The following ABCB6 variants were observed in gnomAD, a reference collection of about 807,000 sequenced individuals.
ABCB6 encodes ATP-binding cassette sub-family B member 6.
ABCB6 carries 87 observed loss-of-function variants against 99.4 expected under a neutral mutation model. The observed-to-expected ratio is 0.88, with a 90% CI of 0.74 to 1.05. ABCB6 has a LOEUF of 1.05. Among genes scored for constraint, ABCB6 ranks in the 50% least tolerant of loss-of-function variants. ABCB6 has a pLI of 0.00. For missense variants in ABCB6, 1,050 were observed against 1,097.9 expected (o/e 0.96, Z 0.62); for synonymous variants, 482 against 447.5 (o/e 1.08, Z -0.97).
At position 219,218,838 on chromosome 2, in the gene ABCB6, G is replaced by A; in HGVS notation, c.-165C>T. 1 of 715,008 alleles carries A rather than the reference G, an allele frequency of 1.4e-6. No individual in the cohort carries two copies. The highest frequency in any genetic ancestry group is 2.2e-6 in the Non-Finnish European group (1 of 463,208). The allele number at this position is 715,008 out of a possible 1,614,324, so 44.3% of individuals were successfully genotyped here. On this transcript the variant is annotated 5_prime_UTR_variant, in exon 1 of 19. Transcript: ENST00000265316. ...GGACGCACGTGGACCAGGCCTCACC[G>A]CCCACTCCCCTAGCGCACGCGCCGC... is the stretch of plus-strand genomic sequence containing the variant.
rs1456564537 is a variant in ABCB6, at chr2:219,210,761, C to T, written c.2206G>A (p.Ala736Thr). The T allele has an allele frequency of 4.3e-6, 7 of 1,613,716 alleles. No homozygotes were observed. Among genetic ancestry groups the T allele is most frequent in the South Asian group, 3.3e-5 (3 of 91,080 alleles). Residue 736 changes from alanine to threonine, a missense_variant, in exon 16 of 19, where the codon GCC becomes ACC. Ala to Thr is a moderately conservative substitution (Grantham distance 58). Transcript: ENST00000265316. Reference sequence around the variant, plus strand: ...GCCTTGAGGATGGTGCGGGCAATGGCGACGCGCTGCTTCTCCCCGCCGCTC... The same window carrying T: ...GCCTTGAGGATGGTGCGGGCAATGGTGACGCGCTGCTTCTCCCCGCCGCTC... ...KLSGGEKQRV[A>T]IARTILKAPG... is the part of the protein sequence containing the mutation.
chr2:219,216,674 C>T lies in ABCB6; in HGVS notation c.846G>A (p.Val282=). The T allele has an allele frequency of 1.3e-6, 2 of 1,566,684 alleles. No individual in the cohort carries two copies. The highest frequency in any genetic ancestry group is 1.7e-6 in the Non-Finnish European group (2 of 1,155,656). Residue 282 remains valine, a synonymous_variant, in exon 3 of 19, where the codon GTG becomes GTA. Coordinates refer to ENST00000265316, the MANE Select transcript of ABCB6 (RefSeq NM_005689.4). The surrounding 1 kb of genome is among the most constrained non-coding windows in gnomAD (Gnocchi z 4.2). ...CACCAATGTTCCTATAGAATATAGG[C>T]ACCAACACATTGAGTGCCCGTTCCA... is the stretch of plus-strand genomic sequence containing the variant. ...MGLERALNVL[V]PIFYRNIVNL...
In ABCB6 at chr2:219,218,583, G is replaced by A; in HGVS notation, c.91C>T (p.Leu31Phe). The A allele has an allele frequency of 6.2e-7, 1 of 1,612,670 alleles. No homozygotes were observed. The highest frequency in any genetic ancestry group is 1.1e-5 in the South Asian group (1 of 91,060). ...AGAGCCATCCGCGTCGAGGGCACGA[G>A]CGTGAAGAAGAAGCAGGGACTCAGG... The part of the protein sequence containing the change: ...DGLSPCFFFT[L>F]VPSTRMALGT... Residue 31 changes from leucine (L) to phenylalanine (F), a missense_variant, in exon 1 of 19, where the codon CTC becomes TTC. Leu to Phe is a conservative substitution (Grantham distance 22). Coordinates refer to ENST00000265316, the MANE Select transcript of ABCB6 (RefSeq NM_005689.4).
intron 14 of ABCB6, among the ~76,000 whole-genome samples, chr2:219,211,357 G>A (rs1368545426): frequency 1.3e-5 from 2 of 152,222 alleles, no homozygotes; most frequent in African/African-American, 4.8e-5. Flanking sequence ...AGGCTGGACT[G>A]CAGTGGCAAA....
chr2:219,216,805 A>G lies in ABCB6; in HGVS notation c.715T>C (p.Trp239Arg). The G allele has an allele frequency of 1.2e-6, 2 of 1,613,026 alleles. No homozygotes were observed. Among genetic ancestry groups the G allele is most frequent in the East Asian group, 2.2e-5 (1 of 44,868 alleles). The change falls in exon 3 of 19, where the codon TGG becomes CGG. Residue 239 changes from tryptophan (W) to arginine (R), a missense_variant. By Grantham distance (101) the Trp-to-Arg change is moderately radical. Transcript: ENST00000265316. This position sits in a 1 kb window ranked among gnomAD's most constrained non-coding sequence, Gnocchi z 4.2. ...CGGAGCTTCCTGCCAAAATCTCGCC[A>G]GGTAGACTGTTGGGCTGCTGACCGA... The part of the protein sequence containing the change: ...QVRSAAQQST[W>R]RDFGRKLRLL...
In ABCB6 at chr2:219,213,316, A is replaced by G; in HGVS notation, c.1730T>C (p.Leu577Pro). 2 of 1,614,080 alleles carry G rather than the reference A, an allele frequency of 1.2e-6. No homozygotes were observed. The highest frequency in any genetic ancestry group is 2.2e-5 in the East Asian group (1 of 44,870). The part of the protein sequence containing the change: ...LLKEETEVKD[L>P]PGAGPLRFQK... ...AAAGCGAAGGGGCCCTGCTCCAGGAAGGTCCTTCACCTGGAAGGGCACCAC... is the reference window on the plus strand; with the variant it reads ...AAAGCGAAGGGGCCCTGCTCCAGGAGGGTCCTTCACCTGGAAGGGCACCAC... The change falls in exon 12 of 19, where the codon CTT becomes CCT. Residue 577 changes from leucine to proline, a missense_variant. Leu to Pro is a moderately conservative substitution (Grantham distance 98, BLOSUM62 -3). Coordinates refer to ENST00000265316, the MANE Select transcript of ABCB6 (RefSeq NM_005689.4).
rs772684700 is a variant in ABCB6, at chr2:219,216,421, T to C, written c.913A>G (p.Thr305Ala). The stretch of plus-strand genomic sequence containing the variant: ...TTGAGGAAGACGTAACTGGTAACAG[T>C]CCAGGCCAGAGAGTTCCAAGGTGCC... ...EKAPWNSLAW[T>A]VTSYVFLKFL... is the part of the protein sequence containing the mutation. The change falls in exon 4 of 19, where the codon ACT becomes GCT. Residue 305 changes from threonine to alanine, a missense_variant. By Grantham distance (58) the Thr-to-Ala change is moderately conservative. Coordinates refer to ENST00000265316, the MANE Select transcript of ABCB6 (RefSeq NM_005689.4). The surrounding 1 kb of genome is among the most constrained non-coding windows in gnomAD (Gnocchi z 4.2). 6.2e-7 allele frequency: 1 copy of C among 1,614,024 alleles called. No homozygotes were observed. The highest frequency in any genetic ancestry group is 8.5e-7 in the Non-Finnish European group (1 of 1,179,980).
Position 219,212,395 on chromosome 2 carries a change from T to A in ABCB6, c.1960A>T (p.Ile654Phe), listed in dbSNP as rs752520577. 6.2e-7 allele frequency: 1 copy of A among 1,614,124 alleles called. No homozygotes were observed. The highest frequency in any genetic ancestry group is 2.2e-5 in the East Asian group (1 of 44,876). The change falls in exon 14 of 19, where the codon ATT (isoleucine) becomes TTT (phenylalanine). Residue 654 changes from isoleucine (I) to phenylalanine (F), a missense_variant. Physicochemically the swap from Ile to Phe is conservative, Grantham distance 21. Transcript: ENST00000265316. ...CTCCAGAGCAACCCTACCTGTGAAA[T>A]GTCCTGCCCATCTATTCGGATGCAG... ...SGCIRIDGQD[I>F]SQVTQASLRS...
In ABCB6 at chr2:219,216,075, C is replaced by T. The variant is rs773204210; in HGVS notation, c.1076G>A (p.Arg359His). ...CCCTGTGCGGCGCCCCAGGTGCCAG[C>T]GCAGTGAGAGCTCGTGCAGGTGGGA... ...IFSHLHELSL[R>H]WHLGRRTGEV... The change falls in exon 5 of 19, where the codon CGC becomes CAC. Residue 359 changes from arginine (R) to histidine (H), a missense_variant. Arg to His is a conservative substitution (Grantham distance 29). Transcript: ENST00000265316. The surrounding 1 kb of genome is among the most constrained non-coding windows in gnomAD (Gnocchi z 4.2). 11 of 1,600,788 alleles carry T rather than the reference C, an allele frequency of 6.9e-6. No homozygotes were observed. Among genetic ancestry groups the T allele is most frequent in the African/African-American group, 4.0e-5 (3 of 74,626 alleles).
At position 219,214,199 on chromosome 2, in the gene ABCB6, A is replaced by G. The variant is rs1335391587; in HGVS notation, c.1387-13T>C. 1.2e-6 allele frequency: 2 copies of G among 1,614,046 alleles called. No individual in the cohort carries two copies. Among genetic ancestry groups the G allele is most frequent in the Non-Finnish European group, 8.5e-7 (1 of 1,179,918 alleles). On this transcript the variant is annotated splice_polypyrimidine_tract_variant and intron_variant, in intron 7 of 18. Coordinates refer to ENST00000265316, the MANE Select transcript of ABCB6 (RefSeq NM_005689.4). Reference sequence around the variant, plus strand: ...TGTAATACTTCACCTGATGAATTCAAACCAAATTTATTTGGCATGGGCACA... The same window carrying G: ...TGTAATACTTCACCTGATGAATTCAGACCAAATTTATTTGGCATGGGCACA...
intron 12 of ABCB6, 44 bp from the exon 13 acceptor site, chr2:219,213,109 C>T (rs1950598330): frequency 6.2e-7 from 1 of 1,610,616 alleles, no homozygotes; most frequent in African/African-American, 1.3e-5. Context: ...CTTCCATCAC[C>T]AGAGCTGCTA....
chr2:219,212,543 G>T, intron 13 of ABCB6, 52 bp from the exon 14 acceptor site: 2 of 1,405,440 alleles, frequency 1.4e-6, no homozygotes, highest in South Asian at 1.2e-5. Flanking sequence ...TTTTTTTTGA[G>T]ACCGAATCTC....
At position 219,214,138 on chromosome 2, in the gene ABCB6, C is replaced by T. The variant is rs780162701; in HGVS notation, c.1435G>A (p.Ala479Thr). 24 of 1,614,150 alleles carry T rather than the reference C, an allele frequency of 1.5e-5. No homozygotes were observed. The highest frequency in any genetic ancestry group is 1.9e-5 in the Non-Finnish European group (23 of 1,180,034). The change falls in exon 8 of 19, where the codon GCC (alanine) becomes ACC (threonine). Residue 479 changes from alanine to threonine, a missense_variant. By Grantham distance (58) the Ala-to-Thr change is moderately conservative. Transcript: ENST00000265316. The part of the protein sequence containing the change: ...ESYEVERYRE[A>T]IIKYQGLEWK... ...ATCCTCACCTGATATTTGATGATGG[C>T]CTCTCGATAGCGTTCCACTTCGTAA...
chr2:219,217,608 C>CACCAG, intron 2 of ABCB6, 62 bp downstream of exon 2: 2 of 1,419,616 alleles, frequency 1.4e-6, no homozygotes, highest in Non-Finnish European at 1.9e-6. Flanking sequence ...CACGCCACTG[C>CACCAG]ACTCCAGCCT....
At chr2:219,215,182 G>A in intron 5 of ABCB6, 100 bp from the exon 6 acceptor site, 2 of 1,475,422 alleles carry the variant, frequency 1.4e-6, no homozygotes, top group South Asian at 1.3e-5. Flanking sequence ...TCAAGCAACA[G>A]ACTGGAACCA....
At chr2:219,215,336 C>A in intron 5 of ABCB6, 1 of 433,680 alleles carries the variant, frequency 2.3e-6, no homozygotes. Flanking sequence ...TGTTAATAAG[C>A]AACTCTGAGA....
chr2:219,218,497 A>G lies in ABCB6; in HGVS notation c.177T>C (p.Ala59=), dbSNP rs759943269. 29 of 1,609,038 alleles carry G rather than the reference A, an allele frequency of 1.8e-5. No individual in the cohort carries two copies. The highest frequency in any genetic ancestry group is 2.2e-5 in the Non-Finnish European group (26 of 1,178,304). ...PCRRRERPAG[A]DSLSWGAGPR... is the part of the protein sequence containing the mutation. ...GGCCGGCCCCCCAAGACAGCGAATCAGCACCAGCGGGCCGCTCCCGGCGTC... is the reference window on the plus strand; with the variant it reads ...GGCCGGCCCCCCAAGACAGCGAATCGGCACCAGCGGGCCGCTCCCGGCGTC... The change falls in exon 1 of 19, where the codon GCT becomes GCC. Residue 59 remains alanine (A), a synonymous_variant. Transcript: ENST00000265316.
At chr2:219,215,763 T>A in intron 5 of ABCB6, 1 of 423,508 alleles carries the variant, frequency 2.4e-6, no homozygotes, top group East Asian at 3.8e-5. Context: ...GAACCCAACA[T>A]ACTAAACAGA....
rs771624686 is a variant in ABCB6, at chr2:219,218,559, G to C, written c.115C>G (p.Leu39Val). 6.2e-7 allele frequency: 1 copy of C among 1,612,632 alleles called. No homozygotes were observed. The change falls in exon 1 of 19, where the codon CTG becomes GTG. Residue 39 changes from leucine to valine, a missense_variant. Leu to Val is a conservative substitution (Grantham distance 32). Transcript: ENST00000265316. ...FTLVPSTRMA[L>V]GTLALVLALP... ...GCCAGCACCAAGGCCAGAGTCCCCAGAGCCATCCGCGTCGAGGGCACGAGC... is the reference window on the plus strand; with the variant it reads ...GCCAGCACCAAGGCCAGAGTCCCCACAGCCATCCGCGTCGAGGGCACGAGC...
Sources: allele counts gnomAD v4.1 joint callset (sites outside exome capture counted in the v4.1 genomes callset), GRCh38; gene constraint gnomAD v4.1.1; non-coding constraint Gnocchi (gnomAD v3.1); transcripts MANE v1.5; gene names NCBI Gene and HGNC (gene_info 2026-07-23, HGNC 2026-07-21).